SLC24A2: variants seen among roughly 807,000 people sequenced by gnomAD.
SLC24A2 encodes the protein solute carrier family 24 member 2, also known as sodium/potassium/calcium exchanger 2.
Under a neutral mutation model 62.0 loss-of-function variants are expected in SLC24A2, and 36 were observed. That is an observed-to-expected ratio of 0.58 (90% CI 0.44 to 0.77). The LOEUF (loss-of-function observed/expected upper bound fraction) is 0.77. SLC24A2 is among the 30% of genes least tolerant of loss of function. The pLI is 0.00. For synonymous variants in SLC24A2, 358 were observed against 294.0 expected, an observed-to-expected ratio of 1.22 and a Z score of -2.23; for missense variants, 846 against 817.9, an observed-to-expected ratio of 1.03 and a Z score of -0.42.
At chr9:19,542,613 G>A (rs971676486) in intron 8 of SLC24A2, among the ~76,000 whole-genome samples, 6 of 152,262 alleles carry the variant, frequency 3.9e-5, no homozygotes, top group African/African-American at 2.4e-5. Context: ...CGTTCAATCA[G>A]TGCCTACTTT....
At chr9:19,986,759 T>A in the SLC24A2 span, among the ~76,000 whole-genome samples, 2 of 151,998 alleles carry the variant, frequency 1.3e-5, no homozygotes, top group African/African-American at 4.8e-5. Context: ...AGAAAGCAGA[T>A]TGGTAGTTGC....
chr9:20,233,087 G>T, the SLC24A2 span, among the ~76,000 whole-genome samples: 225 of 152,274 alleles, frequency 1.5e-3, 2 homozygotes, highest in African/African-American at 5.0e-3. Flanking sequence ...TGTGGTCTGA[G>T]AGACAGTTTG....
In SLC24A2 at chr9:19,528,066, C is replaced by T. The variant is rs1262620628; in HGVS notation, c.1552G>A (p.Val518Ile). 1 of 1,594,038 alleles carries T rather than the reference C, an allele frequency of 6.3e-7. No homozygotes were observed. The highest frequency in any genetic ancestry group is 2.2e-5 in the East Asian group (1 of 44,510). The change falls in exon 9 of 11, where the codon GTC (valine) becomes ATC (isoleucine). Residue 518 changes from valine to isoleucine, a missense_variant. Physicochemically the swap from Val to Ile is conservative, Grantham distance 29. Coordinates refer to ENST00000341998, the MANE Select transcript of SLC24A2 (RefSeq NM_020344.4). The part of the protein sequence containing the change: ...TWIAVFSYLM[V>I]WWAHQVGETI... The stretch of plus-strand genomic sequence containing the variant: ...AATCTTACCTGGTGCGCCCACCAGA[C>T]CATCAAGTAAGAGAATACTGCAATC...
At chr9:19,955,764 G>C in the SLC24A2 span, among the ~76,000 whole-genome samples, 1 of 152,096 alleles carries the variant, frequency 6.6e-6, no homozygotes, top group Non-Finnish European at 1.5e-5. Context: ...TAAGCCCTCA[G>C]ATGAGCAAGG....
chr9:19,740,787 T>C (rs1386360604), intron 2 of SLC24A2, among the ~76,000 whole-genome samples: 1 of 152,068 alleles, frequency 6.6e-6, no homozygotes, highest in African/African-American at 2.4e-5. Context: ...ACAATTGTTA[T>C]TGCTGGGTTA....
Position 19,512,321 on chromosome 9 carries a change from G to C in SLC24A2, c.*3832C>G, listed in dbSNP as rs2132608183. 1 of 152,352 alleles carries C rather than the reference G, an allele frequency of 6.6e-6. No individual in the cohort carries two copies. The highest frequency in any genetic ancestry group is 1.9e-4 in the East Asian group (1 of 5,190). 9.4% of individuals were successfully genotyped at this position (152,352 alleles called of 1,614,324 possible). On this transcript the variant is annotated 3_prime_UTR_variant, in exon 11 of 11. Transcript: ENST00000341998. Reference sequence around the variant, plus strand: ...CCTTGTCAGGTGACACCTGTTAGAAGCCTTACAAAGCATTTTTCCTGAATA... The same window carrying C: ...CCTTGTCAGGTGACACCTGTTAGAACCCTTACAAAGCATTTTTCCTGAATA...
At chr9:19,590,510 C>T (rs1272253529) in intron 5 of SLC24A2, among the ~76,000 whole-genome samples, 1 of 152,196 alleles carries the variant, frequency 6.6e-6, no homozygotes, top group African/African-American at 2.4e-5. Context: ...GCCCACTTTT[C>T]CTCCCTCCTT....
the SLC24A2 span, among the ~76,000 whole-genome samples, chr9:20,241,608 T>C: frequency 1.3e-5 from 2 of 152,150 alleles, no homozygotes; most frequent in Non-Finnish European, 2.9e-5. Context: ...GATGCAAGGA[T>C]GATTACATGA....
chr9:20,032,802 G>A, the SLC24A2 span, among the ~76,000 whole-genome samples: 3 of 152,122 alleles, frequency 2.0e-5, no homozygotes, highest in Non-Finnish European at 4.4e-5. Flanking sequence ...CCCAACCCAG[G>A]GAGGAGTGGG....
At chr9:19,971,904 C>A in the SLC24A2 span, among the ~76,000 whole-genome samples, 1 of 152,142 alleles carries the variant, frequency 6.6e-6, no homozygotes, top group South Asian at 2.1e-4. Flanking sequence ...TTCTTTCCCT[C>A]ATTTTATACT....
In SLC24A2 at chr9:19,580,437, A is replaced by T. The variant is rs73426292; in HGVS notation, c.1130-3415T>A. ...TTCCAGCCCACTGGATACGCCTGAG[A>T]TCATCACAGGGCACCTTTTGAGAAA... is the stretch of plus-strand genomic sequence containing the variant. On this transcript the variant is annotated intron_variant, in intron 5 of 10. Transcript: ENST00000341998. Among the ~76,000 whole-genome samples the T allele has an allele frequency of 3.7e-3, 568 of 152,326 alleles. 4 individuals carry two copies. Among genetic ancestry groups the T allele is most frequent in the African/African-American group, 0.013 (537 of 41,568 alleles).
At chr9:20,302,369 G>T in the SLC24A2 span, among the ~76,000 whole-genome samples, 1 of 152,206 alleles carries the variant, frequency 6.6e-6, no homozygotes, top group Admixed American at 6.5e-5. Flanking sequence ...GAGAGCTCCT[G>T]TTGCTTCCCA....
chr9:19,676,666 T>C (rs1819570686), intron 2 of SLC24A2, among the ~76,000 whole-genome samples: 1 of 152,186 alleles, frequency 6.6e-6, no homozygotes, highest in African/African-American at 2.4e-5. Context: ...AAATAAACCC[T>C]TGATTAGTGG....
At chr9:19,929,739 G>A in the SLC24A2 span, 1 of 152,614 alleles carries the variant, frequency 6.6e-6, no homozygotes, top group Non-Finnish European at 1.5e-5. Context: ...TCCAGAAGAA[G>A]GCATTGTTAT....
At chr9:19,592,734 G>A (rs546497587) in intron 5 of SLC24A2, among the ~76,000 whole-genome samples, 18 of 152,230 alleles carry the variant, frequency 1.2e-4, no homozygotes, top group South Asian at 8.3e-4. Context: ...AAAGAGCCAC[G>A]TTCAATTTAT....
At chr9:19,549,297 T>A (rs925461835) in intron 8 of SLC24A2, among the ~76,000 whole-genome samples, 1 of 152,194 alleles carries the variant, frequency 6.6e-6, no homozygotes, top group Non-Finnish European at 1.5e-5. Flanking sequence ...AAAACATGTT[T>A]GCAAATTCTT....
the SLC24A2 span, among the ~76,000 whole-genome samples, chr9:20,150,962 C>G: frequency 6.6e-6 from 1 of 151,798 alleles, no homozygotes; most frequent in Admixed American, 6.6e-5. Flanking sequence ...ATGTATTACT[C>G]TTACAATCAA....
At chr9:19,722,998 A>G (rs772689877) in intron 2 of SLC24A2, among the ~76,000 whole-genome samples, 86 of 152,162 alleles carry the variant, frequency 5.7e-4, no homozygotes, top group Non-Finnish European at 1.1e-3. Flanking sequence ...CTGCACTGCA[A>G]TAAGATTGTT....
the SLC24A2 span, among the ~76,000 whole-genome samples, chr9:19,986,337 C>T: frequency 1.3e-5 from 2 of 152,016 alleles, no homozygotes; most frequent in African/African-American, 4.8e-5. Context: ...AATGTACAAA[C>T]CAATAATATA....
Sources: allele counts gnomAD v4.1 joint callset (sites outside exome capture counted in the v4.1 genomes callset), GRCh38; gene constraint gnomAD v4.1.1; transcripts MANE v1.5; gene names NCBI Gene and HGNC (gene_info 2026-07-23, HGNC 2026-07-21).